NPAS3: variants seen among roughly 807,000 people sequenced by gnomAD.
NPAS3 encodes neuronal PAS domain protein 3, also known as neuronal PAS domain-containing protein 3.
NPAS3 carries 14 observed loss-of-function variants against 73.1 expected under a neutral mutation model. That is an observed-to-expected ratio of 0.19 (90% CI 0.13 to 0.30). NPAS3 has a LOEUF of 0.30. Among genes scored for constraint, NPAS3 ranks in the 10% least tolerant of loss-of-function variants. The pLI, the probability that NPAS3 is intolerant of heterozygous loss-of-function variation, is 1.00. For missense variants in NPAS3, 1,096 were observed against 1,250.0 expected, an observed-to-expected ratio of 0.88 and a Z score of 1.86; for synonymous variants, 620 against 541.5, an observed-to-expected ratio of 1.14 and a Z score of -2.01.
At chr14:32,967,905 T>C (rs925285670) in intron 1 of NPAS3, among the ~76,000 whole-genome samples, 88 of 44,898 alleles carry the variant, frequency 2.0e-3, no homozygotes, top group African/African-American at 5.9e-3. Flanking sequence ...TAGTATTACA[T>C]TGTGAGAGTG....
At chr14:33,560,785 G>A (rs2055608071) in intron 5 of NPAS3, among the ~76,000 whole-genome samples, 1 of 152,168 alleles carries the variant, frequency 6.6e-6, no homozygotes, top group South Asian at 2.1e-4. Flanking sequence ...GTTTTTCGGA[G>A]GGGAAAAGAA....
At chr14:33,146,045 G>C (rs951201496) in intron 2 of NPAS3, among the ~76,000 whole-genome samples, 1 of 152,120 alleles carries the variant, frequency 6.6e-6, no homozygotes, top group African/African-American at 2.4e-5. Context: ...TCATGTAGAA[G>C]CTGCTATGTC....
At chr14:33,782,793 T>C (rs2063016568) in intron 9 of NPAS3, among the ~76,000 whole-genome samples, 1 of 150,390 alleles carries the variant, frequency 6.6e-6, no homozygotes, top group Admixed American at 6.7e-5. Flanking sequence ...AAGCATGGCC[T>C]ATCCAACATA....
At chr14:33,284,122 G>A (rs577078679) in intron 3 of NPAS3, among the ~76,000 whole-genome samples, 8 of 151,980 alleles carry the variant, frequency 5.3e-5, no homozygotes, top group Admixed American at 1.3e-4. Flanking sequence ...AGAATAAAGC[G>A]TAGTATTAAA....
intron 4 of NPAS3, among the ~76,000 whole-genome samples, chr14:33,524,598 T>A (rs555587766): frequency 2.6e-5 from 4 of 152,310 alleles, no homozygotes; most frequent in African/African-American, 9.6e-5. Flanking sequence ...AATAGAAAGA[T>A]GAAATCTGTA....
intron 4 of NPAS3, among the ~76,000 whole-genome samples, chr14:33,458,376 A>T (rs1013600994): frequency 2.0e-5 from 3 of 152,182 alleles, no homozygotes; most frequent in Non-Finnish European, 2.9e-5. Flanking sequence ...CTCTGTTTTG[A>T]TAGTGATTAG....
Position 33,672,521 on chromosome 14 carries a change from T to C in NPAS3, c.559-3690T>C, listed in dbSNP as rs1055365188. ...TGGTAACAGAAGATTTAAAGGTACC[T>C]AATTAGCATTGGATTGGAGCTCTAT... On this transcript the variant is annotated intron_variant, in intron 5 of 11. Coordinates refer to ENST00000356141, the Ensembl canonical transcript of NPAS3. 4.1e-4 allele frequency among the ~76,000 whole-genome samples: 62 copies of C among 152,328 alleles called. 1 individual carries two copies. Among genetic ancestry groups the C allele is most frequent in the South Asian group, 8.3e-4 (4 of 4,830 alleles).
At chr14:33,161,701 G>T (rs1305433190) in intron 2 of NPAS3, among the ~76,000 whole-genome samples, 1 of 152,238 alleles carries the variant, frequency 6.6e-6, no homozygotes, top group Admixed American at 6.5e-5. Context: ...TTGTAGCCAA[G>T]CGGTACAGGG....
At chr14:33,255,420 A>G (rs2048742153) in intron 3 of NPAS3, among the ~76,000 whole-genome samples, 1 of 152,194 alleles carries the variant, frequency 6.6e-6, no homozygotes, top group Non-Finnish European at 1.5e-5. Context: ...GTATTTTAGT[A>G]CTAATTATAA....
At chr14:33,662,329 TTAGCACCACTGG>T (rs1298156300) in intron 5 of NPAS3, among the ~76,000 whole-genome samples, 7 of 152,242 alleles carry the variant, frequency 4.6e-5, no homozygotes, top group Admixed American at 1.3e-4. Context: ...GAAAAGTTGG[TTAGCACCACTGG>T]TAGCACCACT....
In NPAS3 at chr14:33,320,965, G is replaced by A. The variant is rs77319538; in HGVS notation, c.386-46221G>A. On this transcript the variant is annotated intron_variant, in intron 3 of 11. Coordinates refer to ENST00000356141, the Ensembl canonical transcript of NPAS3. ...CAGCCTCTCCAGCTGGTGCCTCCACGCTGCATGCTTTCCTTGTCCTACAAA... is the reference window on the plus strand; with the variant it reads ...CAGCCTCTCCAGCTGGTGCCTCCACACTGCATGCTTTCCTTGTCCTACAAA... Among the ~76,000 whole-genome samples the A allele has an allele frequency of 8.1e-3, 1,239 of 152,178 alleles. 19 individuals are homozygous for A. The highest frequency in any genetic ancestry group is 0.026 in the African/African-American group (1,079 of 41,528).
intron 2 of NPAS3, among the ~76,000 whole-genome samples, chr14:33,198,599 A>C (rs2046475819): frequency 6.6e-6 from 1 of 152,158 alleles, no homozygotes; most frequent in African/African-American, 2.4e-5. Flanking sequence ...TAGAGTGCTG[A>C]TTGGTGTATT....
upstream of NPAS3, among the ~76,000 whole-genome samples, chr14:32,938,517 GAGAGAGAA>G (rs2035796956): frequency 8.1e-6 from 1 of 123,834 alleles, no homozygotes; most frequent in South Asian, 2.7e-4. Context: ...GAGAGAGAGA[GAGAGAGAA>G]GGGGGGGGAG....
intron 4 of NPAS3, among the ~76,000 whole-genome samples, chr14:33,509,919 A>G (rs1314397070): frequency 6.6e-6 from 1 of 152,028 alleles, no homozygotes; most frequent in Non-Finnish European, 1.5e-5. Flanking sequence ...TGGCCTGTAC[A>G]CTTATTTTTA....
intron 6 of NPAS3, among the ~76,000 whole-genome samples, chr14:33,688,399 A>G (rs1272038888): frequency 6.6e-6 from 1 of 152,118 alleles, no homozygotes; most frequent in East Asian, 1.9e-4. Context: ...ACTTTTTTTT[A>G]AGAGAAACTC....
rs998834386 is a variant in NPAS3, at chr14:32,971,977, C to T, written c.50+32611C>T. Reference sequence around the variant, plus strand: ...TTTTTTGAGATGGAGTCTCACTCTTCGACCAGGCAGGAGTGCAGTGGCGCA... The same window carrying T: ...TTTTTTGAGATGGAGTCTCACTCTTTGACCAGGCAGGAGTGCAGTGGCGCA... On this transcript the variant is annotated intron_variant, in intron 1 of 11. Coordinates refer to ENST00000356141, the Ensembl canonical transcript of NPAS3. 1.3e-4 allele frequency among the ~76,000 whole-genome samples: 16 copies of T among 124,190 alleles called. No individual in the cohort carries two copies. The East Asian group carries it at 3.9e-3, about 30-fold the overall frequency. The allele number at this position is 124,190 out of a possible 152,430, so 81.5% of individuals were successfully genotyped here. A position where few individuals can be genotyped will look rare whatever the true frequency, so the allele number is the denominator to read the frequency against.
intron 3 of NPAS3, among the ~76,000 whole-genome samples, chr14:33,288,678 CG>C (rs1555368574): frequency 6.6e-6 from 1 of 151,710 alleles, no homozygotes; most frequent in Non-Finnish European, 1.5e-5. Flanking sequence ...AAGCAGAATG[CG>C]GGGGAAGAGT....
At chr14:33,122,092 G>C (rs182012967) in intron 2 of NPAS3, among the ~76,000 whole-genome samples, 56 of 152,264 alleles carry the variant, frequency 3.7e-4, no homozygotes, top group African/African-American at 1.2e-3. Flanking sequence ...AATGGTAGTA[G>C]TTTGTATCCA....
chr14:33,076,383 GATAA>G (rs2041658970), intron 2 of NPAS3, among the ~76,000 whole-genome samples: 1 of 152,178 alleles, frequency 6.6e-6, no homozygotes, highest in South Asian at 2.1e-4. Flanking sequence ...CTTGTTAGTT[GATAA>G]ATAGAGATTG....
Sources: gnomAD v4.1 joint callset for allele counts (sites outside exome capture counted in the v4.1 genomes callset) on GRCh38, gnomAD v4.1.1 for gene constraint, MANE v1.5 for transcripts, NCBI Gene and HGNC (gene_info 2026-07-23, HGNC 2026-07-21) for gene names.